The following FXR1 variants were observed in gnomAD, a reference collection of about 807,000 sequenced individuals.
FXR1 encodes the protein RNA-binding protein FXR1.
In FXR1, 15 loss-of-function variants were observed where a neutral mutation model predicts 84.0. That is an observed-to-expected ratio of 0.18 (90% CI 0.12 to 0.27). The LOEUF (loss-of-function observed/expected upper bound fraction) is 0.27. Ranked by LOEUF, FXR1 falls within the 10% of genes least tolerant of loss-of-function variation. The pLI, the probability that FXR1 is intolerant of heterozygous loss-of-function variation, is 1.00. For missense variants in FXR1, 480 were observed against 774.4 expected (o/e 0.62, Z 4.51); for synonymous variants, 245 against 250.7 (o/e 0.98, Z 0.21).
At chr3:180,940,973 AT>A (rs1210954127) in intron 3 of FXR1, among the ~76,000 whole-genome samples, 1 of 152,172 alleles carries the variant, frequency 6.6e-6, no homozygotes, top group Non-Finnish European at 1.5e-5. Flanking sequence ...TTTAGTATTC[AT>A]AGTTAAAATA....
At chr3:180,931,062 C>T (rs1576915300) in intron 1 of FXR1, among the ~76,000 whole-genome samples, 1 of 139,830 alleles carries the variant, frequency 7.2e-6, no homozygotes, top group Non-Finnish European at 1.5e-5. Context: ...TGAATGTGCC[C>T]TACTAGAAAT....
chr3:180,959,512 T>G (rs919455022), intron 10 of FXR1, among the ~76,000 whole-genome samples: 3 of 152,188 alleles, frequency 2.0e-5, no homozygotes, highest in Admixed American at 1.3e-4. Context: ...CAAGTTACTT[T>G]GTTAACTGTA....
chr3:180,949,550 T>C (rs1722010600), intron 7 of FXR1, among the ~76,000 whole-genome samples: 1 of 152,174 alleles, frequency 6.6e-6, no homozygotes, highest in Admixed American at 6.5e-5. Context: ...CAAGCCCAGC[T>C]AATTTTTGTA....
chr3:180,969,238 C>G (rs138761810), intron 14 of FXR1, among the ~76,000 whole-genome samples: 1 of 152,096 alleles, frequency 6.6e-6, no homozygotes. Context: ...ACACTTTGTA[C>G]AGTTACCAAG....
rs56345724 is a variant in FXR1 at position 180,970,383 on chromosome 3, A to AATATATATAT, written c.1603+55_1603+64dup. 968 of 368,126 alleles carry AATATATATAT rather than the reference A, an allele frequency of 2.6e-3. 15 individuals are homozygous for AATATATATAT. The highest frequency in any genetic ancestry group is 6.5e-3 in the African/African-American group (213 of 32,990). The allele number at this position is 368,126 out of a possible 1,614,324, so 22.8% of individuals were successfully genotyped here. A position where few individuals can be genotyped will look rare whatever the true frequency, so the allele number is the denominator to read the frequency against. ...GGTATGTAAGCACTTAGGGAAGAGA[A>AATATATATAT]ATATATATATATATATATATATATA... On this transcript the variant is annotated intron_variant, in intron 15 of 16. Transcript: ENST00000357559.
At chr3:180,940,123 A>G (rs947542858) in intron 3 of FXR1, among the ~76,000 whole-genome samples, 4 of 152,234 alleles carry the variant, frequency 2.6e-5, no homozygotes, top group Non-Finnish European at 5.9e-5. Flanking sequence ...ACAACATATG[A>G]TTTATAGTAG....
intron 7 of FXR1, 48 bp from the exon 8 acceptor site, chr3:180,951,250 C>G: frequency 5.0e-6 from 6 of 1,203,278 alleles, no homozygotes; most frequent in Non-Finnish European, 7.3e-6. Flanking sequence ...ACAAAAAAGC[C>G]ATTTTGTATT....
At chr3:180,930,280 AGTT>A (rs1169076519) in intron 1 of FXR1, among the ~76,000 whole-genome samples, 1 of 152,036 alleles carries the variant, frequency 6.6e-6, no homozygotes, top group Non-Finnish European at 1.5e-5. Context: ...AAAAGAAAGT[AGTT>A]GTACAGAGCT....
intron 3 of FXR1, among the ~76,000 whole-genome samples, chr3:180,940,340 G>A (rs1192412021): frequency 2.0e-5 from 3 of 152,074 alleles, no homozygotes; most frequent in African/African-American, 7.2e-5. Flanking sequence ...AAGTTTGAAG[G>A]TAATGTGAAA....
intron 1 of FXR1, among the ~76,000 whole-genome samples, chr3:180,926,271 T>C (rs966600540): frequency 7.9e-5 from 12 of 151,990 alleles, no homozygotes; most frequent in African/African-American, 2.9e-4. Context: ...TAAGAATACT[T>C]GATCAGGTTT....
chr3:180,968,274 G>C lies in FXR1; in HGVS notation c.1402+20G>C. 1 of 1,472,722 alleles carries C rather than the reference G, an allele frequency of 6.8e-7. No homozygotes were observed. 91.2% of individuals were successfully genotyped at this position (1,472,722 alleles called of 1,614,324 possible). On this transcript the variant is annotated intron_variant, in intron 14 of 16. Transcript: ENST00000357559. ...GTTCTGGTAGTCTTTTCTATACTCT[G>C]TCAGCATCCATTATTTGTAAACAGT...
At chr3:180,961,300 A>G (rs1019528092) in intron 10 of FXR1, among the ~76,000 whole-genome samples, 168 bp from the exon 11 acceptor site, 1 of 141,184 alleles carries the variant, frequency 7.1e-6, no homozygotes, top group African/African-American at 2.6e-5. Flanking sequence ...TGATTGTAAC[A>G]CTGCACTGTA....
intron 9 of FXR1, chr3:180,957,536 A>C: frequency 3.9e-6 from 1 of 256,018 alleles, no homozygotes; most frequent in Non-Finnish European, 7.4e-6. Context: ...TATGAAAATG[A>C]TATAAGCATA....
In FXR1 at chr3:180,968,222, G is replaced by T; in HGVS notation, c.1370G>T (p.Gly457Val). ...GTTTCAGGGGGTCGAGGTCGTGGTG[G>T]ACCACGTGGTGGCAAATCCTCCATC... is the stretch of plus-strand genomic sequence containing the variant. Reference protein sequence around the residue: ...RSVSGGRGRGGPRGGKSSISS... With the variant: ...RSVSGGRGRGVPRGGKSSISS... Residue 457 changes from glycine (G) to valine (V), a missense_variant, in exon 14 of 17, where the codon GGA (glycine) becomes GTA (valine). Coordinates refer to ENST00000357559, the MANE Select transcript of FXR1 (RefSeq NM_005087.4). 1 of 1,612,280 alleles carries T rather than the reference G, an allele frequency of 6.2e-7. No homozygotes were observed. The highest frequency in any genetic ancestry group is 8.5e-7 in the Non-Finnish European group (1 of 1,178,344).
intron 9 of FXR1, among the ~76,000 whole-genome samples, chr3:180,955,384 G>A (rs1395898013): frequency 6.6e-6 from 1 of 152,032 alleles, no homozygotes; most frequent in Non-Finnish European, 1.5e-5. Flanking sequence ...TTAGTTCTTG[G>A]TATACCGTTG....
intron 13 of FXR1, among the ~76,000 whole-genome samples, chr3:180,966,561 A>G (rs1333116111): frequency 1.3e-5 from 2 of 152,208 alleles, no homozygotes; most frequent in African/African-American, 2.4e-5. Context: ...TTAGCAAATG[A>G]ACTTCAAAAT....
intron 1 of FXR1, chr3:180,915,749 G>T: frequency 1.5e-6 from 1 of 664,920 alleles, no homozygotes; most frequent in South Asian, 1.6e-5. Flanking sequence ...ATGCCTTGAG[G>T]CAGTACTCTG....
At chr3:180,936,166 A>T (rs1468759637) in intron 3 of FXR1, among the ~76,000 whole-genome samples, 2 of 152,076 alleles carry the variant, frequency 1.3e-5, no homozygotes, top group African/African-American at 2.4e-5. Flanking sequence ...TGCTGGGATT[A>T]CAGGTGTGAG....
At chr3:180,951,093 C>T (rs183798655) in intron 7 of FXR1, among the ~76,000 whole-genome samples, 3 of 151,760 alleles carry the variant, frequency 2.0e-5, no homozygotes, top group East Asian at 3.9e-4. Context: ...CTCAGTGGTG[C>T]GTGCCTGTAT....
Sources: gnomAD v4.1 joint callset for allele counts (sites outside exome capture counted in the v4.1 genomes callset) on GRCh38, gnomAD v4.1.1 for gene constraint, MANE v1.5 for transcripts, NCBI Gene and HGNC (gene_info 2026-07-23, HGNC 2026-07-21) for gene names.